The following ALK variants were observed in gnomAD, a reference collection of about 807,000 sequenced individuals.
ALK encodes ALK receptor tyrosine kinase, also known as ALK tyrosine kinase receptor.
A neutral mutation model predicts 163.1 loss-of-function variants in ALK; 74 were observed. That is an observed-to-expected ratio of 0.45 (90% CI 0.38 to 0.55). The LOEUF is 0.55. ALK is among the 20% of genes least tolerant of loss of function. The pLI is 0.00. For synonymous variants in ALK, 960 were observed against 843.2 expected, an observed-to-expected ratio of 1.14 and a Z score of -2.40; for missense variants, 2,063 against 2,105.3, an observed-to-expected ratio of 0.98 and a Z score of 0.39.
chr2:29,596,212 C>T (rs1004060273), intron 3 of ALK, among the ~76,000 whole-genome samples: 2 of 152,134 alleles, frequency 1.3e-5, no homozygotes, highest in African/African-American at 4.8e-5. Flanking sequence ...TTTTTCTTTC[C>T]CTAACCCAAA....
At chr2:29,302,524 G>C (rs549490308) in intron 8 of ALK, among the ~76,000 whole-genome samples, 1 of 150,736 alleles carries the variant, frequency 6.6e-6, no homozygotes, top group Non-Finnish European at 1.5e-5. Flanking sequence ...GTCTCAAAGA[G>C]AAAAAAAAAG....
intron 3 of ALK, among the ~76,000 whole-genome samples, chr2:29,557,790 T>C (rs527630871): frequency 3.9e-5 from 6 of 152,278 alleles, no homozygotes; most frequent in Admixed American, 6.5e-5. Flanking sequence ...TGCCACATAA[T>C]AGTAATAATG....
chr2:29,669,921 C>A (rs1417573319), intron 3 of ALK, among the ~76,000 whole-genome samples: 2 of 151,988 alleles, frequency 1.3e-5, no homozygotes, highest in South Asian at 2.1e-4. Context: ...ATATCCCCCA[C>A]ATGTTGAATT....
chr2:29,683,923 A>T (rs1474913519), intron 3 of ALK, among the ~76,000 whole-genome samples: 1 of 152,090 alleles, frequency 6.6e-6, no homozygotes, highest in Non-Finnish European at 1.5e-5. Flanking sequence ...TTTTTATAAC[A>T]AGTCAGGAAA....
At chr2:29,700,863 G>C (rs1573566784) in intron 2 of ALK, among the ~76,000 whole-genome samples, 1 of 152,174 alleles carries the variant, frequency 6.6e-6, no homozygotes, top group East Asian at 1.9e-4. Flanking sequence ...GGCTGTAGAA[G>C]AGTTGTCAAT....
At chr2:29,651,829 T>A (rs904159828) in intron 3 of ALK, among the ~76,000 whole-genome samples, 1 of 152,200 alleles carries the variant, frequency 6.6e-6, no homozygotes, top group Non-Finnish European at 1.5e-5. Flanking sequence ...TGCATTGCAA[T>A]TGAATCTTAT....
intron 4 of ALK, among the ~76,000 whole-genome samples, chr2:29,483,624 A>G (rs1275942848): frequency 6.6e-6 from 1 of 152,232 alleles, no homozygotes; most frequent in Non-Finnish European, 1.5e-5. Context: ...AAATGCATAG[A>G]GAATAATTTA....
At chr2:29,691,660 T>TA (rs1573559297) in intron 3 of ALK, among the ~76,000 whole-genome samples, 1 of 152,166 alleles carries the variant, frequency 6.6e-6, no homozygotes, top group Non-Finnish European at 1.5e-5. Flanking sequence ...TGCTGAGAAG[T>TA]AAAAATTTAT....
chr2:29,493,756 T>C (rs925256937), intron 4 of ALK, among the ~76,000 whole-genome samples: 4 of 152,214 alleles, frequency 2.6e-5, no homozygotes, highest in African/African-American at 9.6e-5. Flanking sequence ...TGTTAGTTCC[T>C]TTCTGTCTTC....
intron 1 of ALK, among the ~76,000 whole-genome samples, chr2:29,726,011 G>A (rs1416152517): frequency 1.3e-5 from 2 of 152,168 alleles, no homozygotes; most frequent in African/African-American, 4.8e-5. Context: ...CCCTGCTGCA[G>A]GTGTGCTTGG....
At chr2:29,235,996 C>T (rs944579448) in intron 13 of ALK, among the ~76,000 whole-genome samples, 1 of 147,920 alleles carries the variant, frequency 6.8e-6, no homozygotes, top group African/African-American at 2.5e-5. Context: ...GTACGAAATA[C>T]CATGCTTGAC....
intron 26 of ALK, among the ~76,000 whole-genome samples, chr2:29,203,880 C>G (rs79851356): frequency 6.6e-6 from 1 of 152,042 alleles, no homozygotes; most frequent in African/African-American, 2.4e-5. Context: ...AATGATTGCT[C>G]TGCTGTCTTT....
chr2:29,836,283 T>C (rs1044748130), intron 1 of ALK, among the ~76,000 whole-genome samples: 2 of 152,218 alleles, frequency 1.3e-5, no homozygotes, highest in South Asian at 2.1e-4. Context: ...TATGAAAATA[T>C]ACAAACCTCA....
intron 2 of ALK, among the ~76,000 whole-genome samples, chr2:29,705,273 A>ATATATC (rs1678871324): frequency 5.9e-5 from 3 of 50,882 alleles, no homozygotes; most frequent in African/African-American, 1.8e-4. Flanking sequence ...ATATATATAT[A>ATATATC]TATATATAAA....
chr2:29,875,616 T>C (rs1179553820), intron 1 of ALK, among the ~76,000 whole-genome samples: 1 of 152,174 alleles, frequency 6.6e-6, no homozygotes, highest in Non-Finnish European at 1.5e-5. Flanking sequence ...CGGCGTGTGA[T>C]GTTCCTCCCA....
intron 4 of ALK, among the ~76,000 whole-genome samples, chr2:29,442,128 C>CTCT (rs397775060): frequency 7.9e-5 from 12 of 151,926 alleles, no homozygotes; most frequent in African/African-American, 2.4e-4. Flanking sequence ...CTCTGGTCTC[C>CTCT]GGCAGCCATT....
At chr2:29,757,114 T>C (rs1040200462) in intron 1 of ALK, among the ~76,000 whole-genome samples, 2 of 152,130 alleles carry the variant, frequency 1.3e-5, no homozygotes, top group Admixed American at 1.3e-4. Flanking sequence ...GAAAGAAAAG[T>C]GTTCTAGGCA....
At chr2:29,358,002 T>G (rs2148284556) in intron 5 of ALK, among the ~76,000 whole-genome samples, 1 of 152,324 alleles carries the variant, frequency 6.6e-6, no homozygotes, top group East Asian at 1.9e-4. Context: ...TTTTACAGAT[T>G]AACAAGAGGC....
At chr2:29,876,973 C>A (rs762230033) in intron 1 of ALK, among the ~76,000 whole-genome samples, 2 of 152,172 alleles carry the variant, frequency 1.3e-5, no homozygotes, top group Non-Finnish European at 2.9e-5. Context: ...GTCCTGACTT[C>A]TCCCTGAAAT....
Sources: gnomAD v4.1 joint callset for allele counts (sites outside exome capture counted in the v4.1 genomes callset) on GRCh38, gnomAD v4.1.1 for gene constraint, MANE v1.5 for transcripts, NCBI Gene and HGNC (gene_info 2026-07-23, HGNC 2026-07-21) for gene names.